The following SPTBN4 variants were observed in gnomAD, a reference collection of about 807,000 sequenced individuals.
SPTBN4 encodes the protein spectrin beta chain, non-erythrocytic 4.
SPTBN4 carries 96 observed loss-of-function variants against 277.8 expected under a neutral mutation model. The ratio of observed to expected loss-of-function variants is 0.35; its 90% CI spans 0.29 to 0.41. SPTBN4 has a LOEUF of 0.41. Among genes scored for constraint, SPTBN4 ranks in the 10% least tolerant of loss-of-function variants. The pLI, the probability that SPTBN4 is intolerant of heterozygous loss-of-function variation, is 1.00. For missense variants in SPTBN4, 3,006 were observed against 3,595.7 expected, an observed-to-expected ratio of 0.84 and a Z score of 4.19; for synonymous variants, 1,481 against 1,580.3, an observed-to-expected ratio of 0.94 and a Z score of 1.49.
At chr19:40,480,994 G>A (rs1291625828) in intron 2 of SPTBN4, among the ~76,000 whole-genome samples, 2 of 152,166 alleles carry the variant, frequency 1.3e-5, no homozygotes, top group East Asian at 3.9e-4. Context: ...GAACCCAGGA[G>A]GTGGAGGTTG....
At chr19:40,506,009 G>A (rs182841067) in intron 12 of SPTBN4, among the ~76,000 whole-genome samples, 1 of 152,330 alleles carries the variant, frequency 6.6e-6, no homozygotes, top group East Asian at 1.9e-4. Context: ...ATGGCTAGCT[G>A]TGAGAGCTGA....
chr19:40,547,271 C>T (rs1255069980), intron 20 of SPTBN4, among the ~76,000 whole-genome samples: 1 of 147,596 alleles, frequency 6.8e-6, no homozygotes, highest in African/African-American at 2.5e-5. Flanking sequence ...TGAGTGAGAA[C>T]GTGTGGTGTT....
chr19:40,507,030 C>T (rs557253389), intron 13 of SPTBN4, among the ~76,000 whole-genome samples: 1 of 151,990 alleles, frequency 6.6e-6, no homozygotes, highest in Non-Finnish European at 1.5e-5. Context: ...TTAATCAGGG[C>T]CTATTTAACA....
intron 5 of SPTBN4, among the ~76,000 whole-genome samples, chr19:40,493,751 TAAAC>T (rs981976348): frequency 7.9e-5 from 12 of 151,896 alleles, no homozygotes; most frequent in African/African-American, 2.4e-4. Context: ...CATAAATAAA[TAAAC>T]AAACAAATAA....
Position 40,554,093 on chromosome 19 carries a change from C to T in SPTBN4, c.4675-54C>T. ...AGTAGCAGAGGAGCGTGTGGTCTTG[C>T]AGGGCCTCGGAACGCCCCCTCTCCA... On this transcript the variant is annotated intron_variant, in intron 22 of 35. Transcript: ENST00000598249. The surrounding 1 kb of genome is among the most constrained non-coding windows in gnomAD (Gnocchi z 5.7). The T allele has an allele frequency of 1.4e-6, 2 of 1,389,660 alleles. No individual in the cohort carries two copies. The highest frequency in any genetic ancestry group is 1.9e-6 in the Non-Finnish European group (2 of 1,080,738). The allele number at this position is 1,389,660 out of a possible 1,614,324, so 86.1% of individuals were successfully genotyped here. A position where few individuals can be genotyped will look rare whatever the true frequency, so the allele number is the denominator to read the frequency against.
At position 40,502,246 on chromosome 19, in the gene SPTBN4, A is replaced by C. The variant is rs540142754; in HGVS notation, c.1016A>C (p.Asn339Thr). ...CTCATCAGCAATCAGAAATTTGCCAACTCCTTAAGTGGGGTGCAGCAGCAA... is the reference window on the plus strand; with the variant it reads ...CTCATCAGCAATCAGAAATTTGCCACCTCCTTAAGTGGGGTGCAGCAGCAA... ...VGLISNQKFA[N>T]SLSGVQQQLQ... The change falls in exon 9 of 36, where the codon AAC (asparagine) becomes ACC (threonine). Residue 339 changes from asparagine (N) to threonine (T), a missense_variant. By Grantham distance (65) the Asn-to-Thr change is moderately conservative (BLOSUM62 0). Coordinates refer to ENST00000598249, the MANE Select transcript of SPTBN4 (RefSeq NM_020971.3). This position sits in a 1 kb window ranked among gnomAD's most constrained non-coding sequence, Gnocchi z 4.9. The C allele has an allele frequency of 1.6e-5, 26 of 1,613,458 alleles. No individual in the cohort carries two copies. In the South Asian group the frequency reaches 2.9e-4, roughly 18 times the overall value.
In SPTBN4 at chr19:40,502,568, C is replaced by G; in HGVS notation, c.1203+61C>G. 1 of 1,497,604 alleles carries G rather than the reference C, an allele frequency of 6.7e-7. No homozygotes were observed. Among genetic ancestry groups the G allele is most frequent in the African/African-American group, 1.4e-5 (1 of 72,452 alleles). The allele number at this position is 1,497,604 out of a possible 1,614,324, so 92.8% of individuals were successfully genotyped here. A position where few individuals can be genotyped will look rare whatever the true frequency, so the allele number is the denominator to read the frequency against. On this transcript the variant is annotated intron_variant, in intron 10 of 35. Coordinates refer to ENST00000598249, the MANE Select transcript of SPTBN4 (RefSeq NM_020971.3). This position sits in a 1 kb window ranked among gnomAD's most constrained non-coding sequence, Gnocchi z 4.9. ...ACTGTGGAGTTGTATAGGTTGCACA[C>G]TGCTCAAGGGAATCATTCACATTGT...
At chr19:40,475,048 G>A (rs531184039) in intron 2 of SPTBN4, among the ~76,000 whole-genome samples, 46 of 152,146 alleles carry the variant, frequency 3.0e-4, no homozygotes, top group African/African-American at 1.1e-3. Context: ...ACCCTACTTT[G>A]ATGTATCAGA....
intron 25 of SPTBN4, among the ~76,000 whole-genome samples, 165 bp downstream of exon 25, chr19:40,556,453 C>T (rs761528556): frequency 7.9e-5 from 12 of 152,148 alleles, no homozygotes; most frequent in Non-Finnish European, 1.5e-4. Context: ...CTGCTTGGCA[C>T]ACATGCTGCC....
rs768863407 is a variant in SPTBN4, at chr19:40,560,464, C to T, written c.5915+61C>T. 6.2e-7 allele frequency: 1 copy of T among 1,610,462 alleles called. No individual in the cohort carries two copies. The highest frequency in any genetic ancestry group is 1.1e-5 in the South Asian group (1 of 90,892). ...CCTGGTGGCCTACCCCAGCCACCCCCAGCCCATTGACAGCCCCCTTCTCAA... is the reference window on the plus strand; with the variant it reads ...CCTGGTGGCCTACCCCAGCCACCCCTAGCCCATTGACAGCCCCCTTCTCAA... On this transcript the variant is annotated intron_variant, in intron 27 of 35. Transcript: ENST00000598249. This position sits in a 1 kb window ranked among gnomAD's most constrained non-coding sequence, Gnocchi z 5.2.
At chr19:40,523,739 G>T in intron 17 of SPTBN4, 100 bp downstream of exon 17, 1 of 1,076,970 alleles carries the variant, frequency 9.3e-7, no homozygotes. Context: ...CTTTCATCAC[G>T]ATTTCTGCTT....
At position 40,547,301 on chromosome 19, in the gene SPTBN4, T is replaced by C. The variant is rs1351217565; in HGVS notation, c.4360-1888T>C. Among the ~76,000 whole-genome samples the C allele has an allele frequency of 2.6e-5, 4 of 151,588 alleles. No individual in the cohort carries two copies. The East Asian group carries it at 7.8e-4, about 30-fold the overall frequency. On this transcript the variant is annotated intron_variant, in intron 20 of 35. Transcript: ENST00000598249. ...GGTGTTTGGTTTTCTGTCCTTGCGA[T>C]AGTTTGCTCAGAATGATGGTTTCCA...
rs1012939662 is a variant in SPTBN4, at chr19:40,502,713, G to A, written c.1204-62G>A. The A allele has an allele frequency of 8.1e-5, 128 of 1,584,778 alleles. No homozygotes were observed. Among genetic ancestry groups the A allele is most frequent in the Non-Finnish European group, 1.1e-4 (124 of 1,165,792 alleles). On this transcript the variant is annotated intron_variant, in intron 10 of 35. Coordinates refer to ENST00000598249, the MANE Select transcript of SPTBN4 (RefSeq NM_020971.3). The surrounding 1 kb of genome is among the most constrained non-coding windows in gnomAD (Gnocchi z 4.9). ...AATGCTATGAGTGACCTCAGACTAAGTCAAGACCATTAAACTGTGGGGAGC... is the reference window on the plus strand; with the variant it reads ...AATGCTATGAGTGACCTCAGACTAAATCAAGACCATTAAACTGTGGGGAGC...
In SPTBN4 at chr19:40,523,644, G is replaced by T; in HGVS notation, c.3857+5G>T. 3 of 1,607,604 alleles carry T rather than the reference G, an allele frequency of 1.9e-6. No homozygotes were observed. Among genetic ancestry groups the T allele is most frequent in the Non-Finnish European group, 2.6e-6 (3 of 1,176,382 alleles). ...TGTGACCCGGCTGCTGGAGAAGTAG[G>T]TCCCCTAGACCCATCCACCCCAGGG... On this transcript the variant is annotated splice_donor_5th_base_variant and intron_variant, in intron 17 of 35. Transcript: ENST00000598249.
chr19:40,570,705 C>T lies in SPTBN4; in HGVS notation c.7296C>T (p.Asp2432=). 1 of 1,608,208 alleles carries T rather than the reference C, an allele frequency of 6.2e-7. No homozygotes were observed. ...EGFLLRKREL[D]ANRKSSNRSW... ...TCCTACTGCGCAAGCGCGAGCTCGA[C>T]GCTAACCGCAAGTCGTCCAACCGGT... is the stretch of plus-strand genomic sequence containing the variant. Residue 2432 remains aspartate, a synonymous_variant, in exon 33 of 36, where the codon GAC becomes GAT. Transcript: ENST00000598249.
intron 18 of SPTBN4, among the ~76,000 whole-genome samples, chr19:40,529,466 C>T (rs1261879722): frequency 6.6e-6 from 1 of 150,914 alleles, no homozygotes; most frequent in East Asian, 2.0e-4. Context: ...AGGGGCGGGG[C>T]GGGCGGTGGG....
At chr19:40,482,271 A>G (rs763091824) in intron 2 of SPTBN4, among the ~76,000 whole-genome samples, 4 of 152,010 alleles carry the variant, frequency 2.6e-5, no homozygotes, top group Admixed American at 6.6e-5. Flanking sequence ...GGGTCTGGCT[A>G]TGTTGCCAAG....
intron 29 of SPTBN4, 60 bp from the exon 30 acceptor site, chr19:40,566,103 A>T: frequency 7.0e-7 from 1 of 1,437,652 alleles, no homozygotes; most frequent in South Asian, 1.5e-5. Context: ...GGGAACAGCC[A>T]TTGCCCCCAG....
chr19:40,504,959 C>G (rs1008440707), intron 12 of SPTBN4, among the ~76,000 whole-genome samples: 2 of 151,686 alleles, frequency 1.3e-5, no homozygotes, highest in Non-Finnish European at 2.9e-5. Flanking sequence ...ATCAGAGAGA[C>G]AGAGAGAGGA....
Sources: allele counts gnomAD v4.1 joint callset (sites outside exome capture counted in the v4.1 genomes callset), GRCh38; gene constraint gnomAD v4.1.1; non-coding constraint Gnocchi (gnomAD v3.1); transcripts MANE v1.5; gene names NCBI Gene and HGNC (gene_info 2026-07-23, HGNC 2026-07-21).